The following MAGEA8 variants were observed in gnomAD, a reference collection of about 807,000 sequenced individuals.
The protein encoded by MAGEA8 is MAGE family member A8, also known as melanoma-associated antigen 8.
For synonymous variants in MAGEA8, 104 were observed against 102.6 expected, an observed-to-expected ratio of 1.01 and a Z score of -0.08; for missense variants, 229 against 251.1, an observed-to-expected ratio of 0.91 and a Z score of 0.59.
intron 1 of MAGEA8, among the ~76,000 whole-genome samples, chrX:149,882,293 G>T (rs1473812486): frequency 3.6e-5 from 4 of 111,500 alleles, no homozygotes; most frequent in African/African-American, 1.3e-4. Flanking sequence ...AGGAAGGAAA[G>T]GGCCATGCCT....
rs782062515 is a variant in MAGEA8 at position 149,884,655 on chromosome X, A to C, written c.383A>C (p.Gln128Pro). Residue 128 changes from glutamine (Q) to proline (P), a missense_variant, in exon 3 of 3, where the codon CAA (glutamine) becomes CCA (proline). Gln to Pro is a moderately conservative substitution (Grantham distance 76). Transcript: ENST00000286482. ...ELVRFLLRKYQIKEPVTKAEM... is the reference protein window; with the variant it reads ...ELVRFLLRKYPIKEPVTKAEM... Reference sequence around the variant, plus strand: ...GTTCGTTTCCTGCTCCGCAAATATCAAATTAAGGAGCCGGTCACAAAGGCA... The same window carrying C: ...GTTCGTTTCCTGCTCCGCAAATATCCAATTAAGGAGCCGGTCACAAAGGCA... 3.6e-5 allele frequency: 44 copies of C among 1,210,017 alleles called. No individual in the cohort carries two copies. The East Asian group carries it at 1.3e-3, about 36-fold the overall frequency.
chrX:149,883,130 A>T (rs782772463), intron 1 of MAGEA8: 6 of 112,306 alleles, frequency 5.3e-5, no homozygotes, highest in Non-Finnish European at 1.1e-4. Context: ...GTCACCCCTG[A>T]GAGCATGAGC....
intron 1 of MAGEA8, among the ~76,000 whole-genome samples, chrX:149,881,623 GGCGGCCGGGC>G: frequency 9.6e-6 from 1 of 103,855 alleles, no homozygotes; most frequent in Non-Finnish European, 2.1e-5. Context: ...GGCCGGGCAT[GGCGGCCGGGC>G]ATGGCGGCCG....
Position 149,884,277 on chromosome X carries a change from T to G in MAGEA8, c.5T>G (p.Leu2Arg), listed in dbSNP as rs1557370838. 1 of 1,190,119 alleles carries G rather than the reference T, an allele frequency of 8.4e-7. No homozygotes were observed. The highest frequency in any genetic ancestry group is 1.1e-6 in the Non-Finnish European group (1 of 884,146). The change falls in exon 3 of 3, where the codon CTT (leucine) becomes CGT (arginine). Residue 2 changes from leucine (L) to arginine (R), a missense_variant. Transcript: ENST00000286482. MLLGQKSQRYKA... is the reference protein window; with the variant it reads MRLGQKSQRYKA... ...GCTGCCCTGACCTGAGTCATCATGC[T>G]TCTTGGGCAGAAGAGTCAGCGCTAC... is the stretch of plus-strand genomic sequence containing the variant.
chrX:149,884,626 G>A lies in MAGEA8; in HGVS notation c.354G>A (p.Glu118=), dbSNP rs2090750257. Residue 118 remains glutamate, a synonymous_variant, in exon 3 of 3, where the codon GAG becomes GAA. Coordinates refer to ENST00000286482, the MANE Select transcript of MAGEA8 (RefSeq NM_005364.5). ...FREALDEKVA[E]LVRFLLRKYQ... ...AAGCACTTGATGAGAAAGTGGCTGA[G>A]TTAGTTCGTTTCCTGCTCCGCAAAT... The A allele has an allele frequency of 8.3e-7, 1 of 1,211,052 alleles. No homozygotes were observed. Among genetic ancestry groups the A allele is most frequent in the Admixed American group, 2.2e-5 (1 of 46,027 alleles).
Position 149,885,336 on chromosome X carries a change from A to G in MAGEA8, c.*107A>G. Reference sequence around the variant, plus strand: ...TTCCCTGCTCTGTTACATGAGGCCCATTCTTCACTCTGTGTTTGAAGAGAG... The same window carrying G: ...TTCCCTGCTCTGTTACATGAGGCCCGTTCTTCACTCTGTGTTTGAAGAGAG... On this transcript the variant is annotated 3_prime_UTR_variant, in exon 3 of 3. Transcript: ENST00000286482. The G allele has an allele frequency of 3.4e-6, 2 of 591,375 alleles. No homozygotes were observed. Among genetic ancestry groups the G allele is most frequent in the South Asian group, 3.0e-5 (1 of 32,827 alleles). The allele number at this position is 591,375 out of a possible 1,213,427, so 48.7% of individuals were successfully genotyped here.
chrX:149,885,144 A>C lies in MAGEA8; in HGVS notation c.872A>C (p.Glu291Ala), dbSNP rs782737761. 98 of 1,209,855 alleles carry C rather than the reference A, an allele frequency of 8.1e-5. No individual in the cohort carries two copies. In the South Asian group the frequency reaches 1.5e-3, roughly 18 times the overall value. The change falls in exon 3 of 3, where the codon GAG becomes GCG. Residue 291 changes from glutamate to alanine, a missense_variant. Transcript: ENST00000286482. ...GAAACCAGCTATGTGAAAGTCCTGG[A>C]GCATGTGGTCAGGGTCAATGCAAGA... ...LAETSYVKVLEHVVRVNARVR... is the reference protein window; with the variant it reads ...LAETSYVKVLAHVVRVNARVR...
At chrX:149,883,261 G>GAAAGATGAGGGCCC in intron 1 of MAGEA8, 1 of 111,283 alleles carries the variant, frequency 9.0e-6, no homozygotes, top group East Asian at 2.9e-4. Context: ...CCTGCCAGGA[G>GAAAGATGAGGGCCC]TCAGGGACTC....
chrX:149,882,993 C>T (rs893495047), intron 1 of MAGEA8: 1 of 111,690 alleles, frequency 9.0e-6, no homozygotes, highest in East Asian at 2.8e-4. Context: ...GCAACAGACT[C>T]AGTGGTCCAA....
chrX:149,881,690 C>T (rs1557370570), intron 1 of MAGEA8, among the ~76,000 whole-genome samples: 1 of 102,789 alleles, frequency 9.7e-6, no homozygotes, highest in African/African-American at 3.6e-5. Context: ...TTCTGACGTC[C>T]GCATCCGGGG....
rs1557371077 is a variant in MAGEA8, at chrX:149,885,212, G to A, written c.940G>A (p.Glu314Lys). Residue 314 changes from glutamate (E) to lysine (K), a missense_variant, in exon 3 of 3, where the codon GAG (glutamate) becomes AAG (lysine). Coordinates refer to ENST00000286482, the MANE Select transcript of MAGEA8 (RefSeq NM_005364.5). The part of the protein sequence containing the change: ...YPSLHEEALG[E>K]EKGV Reference sequence around the variant, plus strand: ...ATCCCTGCATGAAGAGGCTTTGGGAGAGGAGAAAGGAGTTTGAGCAGGAGT... The same window carrying A: ...ATCCCTGCATGAAGAGGCTTTGGGAAAGGAGAAAGGAGTTTGAGCAGGAGT... The A allele has an allele frequency of 2.5e-6, 3 of 1,188,193 alleles. No individual in the cohort carries two copies. Among genetic ancestry groups the A allele is most frequent in the Admixed American group, 2.3e-5 (1 of 43,789 alleles).
chrX:149,883,949 C>A, intron 1 of MAGEA8, 124 bp from the exon 2 acceptor site: 1 of 236,628 alleles, frequency 4.2e-6, no homozygotes, highest in Non-Finnish European at 7.6e-6. Context: ...ACCAGAGGCC[C>A]CTCTGGCATC....
Position 149,885,581 on chromosome X carries a change from G to A in MAGEA8, c.*352G>A. The A allele has an allele frequency of 6.6e-6, 2 of 301,915 alleles. No individual in the cohort carries two copies. Among genetic ancestry groups the A allele is most frequent in the East Asian group, 9.9e-5 (2 of 20,135 alleles). The allele number at this position is 301,915 out of a possible 1,213,427, so 24.9% of individuals were successfully genotyped here. ...TGCTTTTTATATAGTTTAGGAGTAAGAGTCTTGCTTTTCATTTATACTGGG... is the reference window on the plus strand; with the variant it reads ...TGCTTTTTATATAGTTTAGGAGTAAAAGTCTTGCTTTTCATTTATACTGGG... On this transcript the variant is annotated 3_prime_UTR_variant, in exon 3 of 3. Coordinates refer to ENST00000286482, the MANE Select transcript of MAGEA8 (RefSeq NM_005364.5).
intron 1 of MAGEA8, among the ~76,000 whole-genome samples, chrX:149,882,210 G>C (rs1339809056): frequency 1.8e-5 from 2 of 110,510 alleles, no homozygotes; most frequent in Admixed American, 9.5e-5. Flanking sequence ...AAGGGATGTG[G>C]CCCCCCCACT....
rs150217939 is a variant in MAGEA8 at position 149,884,123 on chromosome X, T to G, written c.-75T>G. On this transcript the variant is annotated 5_prime_UTR_variant, in exon 2 of 3. Transcript: ENST00000286482. Reference sequence around the variant, plus strand: ...AGGTCAGGAGGCCCCAGAGAAGCACTGAAGAAGACCTGTAAGTAGACCTTT... The same window carrying G: ...AGGTCAGGAGGCCCCAGAGAAGCACGGAAGAAGACCTGTAAGTAGACCTTT... 2.3e-4 allele frequency: 107 copies of G among 466,440 alleles called. No homozygotes were observed. In the East Asian group the frequency reaches 3.4e-3, roughly 15 times the overall value. The allele number at this position is 466,440 out of a possible 1,213,427, so 38.4% of individuals were successfully genotyped here.
intron 1 of MAGEA8, among the ~76,000 whole-genome samples, chrX:149,881,613 G>GGCCGGGCATGGCA (rs1557370523): frequency 2.1e-5 from 2 of 97,043 alleles, no homozygotes; most frequent in African/African-American, 7.3e-5. Context: ...CGGGCATGGC[G>GGCCGGGCATGGCA]GCCGGGCATG....
At chrX:149,881,490 C>T (rs1195493010) in intron 1 of MAGEA8, among the ~76,000 whole-genome samples, 1 of 111,227 alleles carries the variant, frequency 9.0e-6, no homozygotes, top group African/African-American at 3.3e-5. Flanking sequence ...TAGCAGAGGG[C>T]AGGGCCCAGG....
At chrX:149,883,202 C>T (rs782344871) in intron 1 of MAGEA8, 16 of 112,123 alleles carry the variant, frequency 1.4e-4, no homozygotes, top group African/African-American at 5.2e-4. Context: ...AGAAGAAGGC[C>T]TTGGTCTGAG....
Position 149,885,302 on chromosome X carries a change from T to C in MAGEA8, c.*73T>C, listed in dbSNP as rs1440159091. 2 of 748,203 alleles carry C rather than the reference T, an allele frequency of 2.7e-6. No homozygotes were observed. Among genetic ancestry groups the C allele is most frequent in the African/African-American group, 4.2e-5 (2 of 47,549 alleles). 61.7% of individuals were successfully genotyped at this position (748,203 alleles called of 1,213,427 possible). On this transcript the variant is annotated 3_prime_UTR_variant, in exon 3 of 3. Transcript: ENST00000286482. ...GGCCAGTGCACGTTCCAGGGCCACA[T>C]CCACCACTTTCCCTGCTCTGTTACA... is the stretch of plus-strand genomic sequence containing the variant.
Sources: gnomAD v4.1 joint callset for allele counts (sites outside exome capture counted in the v4.1 genomes callset) on GRCh38, gnomAD v4.1.1 for gene constraint, MANE v1.5 for transcripts, NCBI Gene and HGNC (gene_info 2026-07-23, HGNC 2026-07-21) for gene names.